SNX13: variants seen among roughly 807,000 people sequenced by gnomAD.
SNX13 encodes sorting nexin 13, also known as sorting nexin-13.
A neutral mutation model predicts 133.6 loss-of-function variants in SNX13; 45 were observed. The observed-to-expected ratio is 0.34, with a 90% CI of 0.27 to 0.43. The LOEUF is 0.43. SNX13 is among the 20% of genes least tolerant of loss of function. The pLI is 1.00. For missense variants in SNX13, 1,032 were observed against 1,145.1 expected (o/e 0.90, Z 1.43); for synonymous variants, 414 against 373.9 (o/e 1.11, Z -1.24).
chr7:17,872,713 A>G (rs4721664), intron 8 of SNX13, among the ~76,000 whole-genome samples: 17,884 of 152,262 alleles, frequency 0.12, 1,192 homozygotes, highest in African/African-American at 0.16. Flanking sequence ...GCATAAAAGC[A>G]AGTCTCAGGA....
chr7:17,940,412 C>G lies in SNX13; in HGVS notation c.-117G>C. On this transcript the variant is annotated 5_prime_UTR_variant, in exon 1 of 26. Coordinates refer to ENST00000428135, the MANE Select transcript of SNX13 (RefSeq NM_015132.5). ...GCGGCAACTGCTCCTTCAGTCTTCT[C>G]CCGGGCGGCGGTTTTACTCGGCTTC... 1 of 1,241,938 alleles carries G rather than the reference C, an allele frequency of 8.1e-7. No individual in the cohort carries two copies. The highest frequency in any genetic ancestry group is 1.1e-6 in the Non-Finnish European group (1 of 871,002). The allele number at this position is 1,241,938 out of a possible 1,614,324, so 76.9% of individuals were successfully genotyped here.
Position 17,799,111 on chromosome 7 carries a change from T to C in SNX13, c.2342A>G (p.Asp781Gly). Residue 781 changes from aspartate to glycine, a missense_variant, in exon 23 of 26, where the codon GAT becomes GGT. By Grantham distance (94) the Asp-to-Gly change is moderately conservative. Transcript: ENST00000428135. ...IPLRVMLLLMDEVFDLKERNQ... is the reference protein window; with the variant it reads ...IPLRVMLLLMGEVFDLKERNQ... The stretch of plus-strand genomic sequence containing the variant: ...TCTTTCTTTTAAGTCGAATACTTCA[T>C]CCATGAGAAGCAGCATTACCCTAAG... The C allele has an allele frequency of 6.2e-7, 1 of 1,610,340 alleles. No homozygotes were observed. Among genetic ancestry groups the C allele is most frequent in the Non-Finnish European group, 8.5e-7 (1 of 1,177,754 alleles).
chr7:17,798,917 T>C, intron 23 of SNX13, 92 bp downstream of exon 23: 4 of 1,448,250 alleles, frequency 2.8e-6, no homozygotes, highest in Non-Finnish European at 3.7e-6. Flanking sequence ...GAGAAAAAAA[T>C]TCTCCTACAA....
chr7:17,862,387 C>T (rs1256713351), intron 9 of SNX13, among the ~76,000 whole-genome samples: 3 of 151,934 alleles, frequency 2.0e-5, no homozygotes, highest in African/African-American at 7.3e-5. Flanking sequence ...AAGTTTCTAC[C>T]GCTTAAAAAC....
rs200903005 is a variant in SNX13 at position 17,930,089 on chromosome 7, AAAGAAT to A, written c.12+10189_12+10194del. ...AAGAATAAAGAATAAGAAAAAGAAT[AAAGAAT>A]AAGAATAAGAATAAAGAATAAAGAA... is the stretch of plus-strand genomic sequence containing the variant. On this transcript the variant is annotated intron_variant, in intron 1 of 25. Coordinates refer to ENST00000428135, the MANE Select transcript of SNX13 (RefSeq NM_015132.5). Among the ~76,000 whole-genome samples the A allele has an allele frequency of 6.2e-3, 216 of 34,674 alleles. 1 individual carries two copies. The highest frequency in any genetic ancestry group is 0.015 in the Admixed American group (50 of 3,328). The allele number at this position is 34,674 out of a possible 152,430, so 22.7% of individuals were successfully genotyped here. A position where few individuals can be genotyped will look rare whatever the true frequency, so the allele number is the denominator to read the frequency against.
Position 17,854,560 on chromosome 7 carries a change from T to C in SNX13, c.838-3596A>G, listed in dbSNP as rs139121611. Among the ~76,000 whole-genome samples the C allele has an allele frequency of 4.9e-3, 749 of 152,332 alleles. 5 individuals carry two copies. The highest frequency in any genetic ancestry group is 0.017 in the African/African-American group (717 of 41,572). On this transcript the variant is annotated intron_variant, in intron 9 of 25. Transcript: ENST00000428135. Reference sequence around the variant, plus strand: ...ACAACATGTGCCCATGTCATGTGCATAGTCACATTTTAATAATTTTCAGAA... The same window carrying C: ...ACAACATGTGCCCATGTCATGTGCACAGTCACATTTTAATAATTTTCAGAA...
At chr7:17,849,471 A>G (rs923046538) in intron 11 of SNX13, among the ~76,000 whole-genome samples, 1 of 152,126 alleles carries the variant, frequency 6.6e-6, no homozygotes, top group Non-Finnish European at 1.5e-5. Context: ...TCTATTCTCC[A>G]CAAAGAGTAA....
intron 11 of SNX13, among the ~76,000 whole-genome samples, chr7:17,850,106 A>T (rs1287370297): frequency 6.6e-6 from 1 of 152,228 alleles, no homozygotes; most frequent in Non-Finnish European, 1.5e-5. Context: ...GTATAAATAA[A>T]TCAAGGAATA....
intron 9 of SNX13, among the ~76,000 whole-genome samples, chr7:17,857,765 T>A (rs965559460): frequency 1.3e-5 from 2 of 151,558 alleles, no homozygotes; most frequent in Admixed American, 6.6e-5. Flanking sequence ...AGAGCAAGAC[T>A]CCATCTCAAA....
chr7:17,905,384 A>G (rs1798278793), intron 1 of SNX13, among the ~76,000 whole-genome samples: 1 of 152,204 alleles, frequency 6.6e-6, no homozygotes, highest in Non-Finnish European at 1.5e-5. Context: ...CTAAAAAGGT[A>G]AAATATACAT....
intron 1 of SNX13, among the ~76,000 whole-genome samples, chr7:17,915,133 T>C (rs576288193): frequency 6.6e-6 from 1 of 152,288 alleles, no homozygotes; most frequent in East Asian, 1.9e-4. Flanking sequence ...AGAAGAGCAT[T>C]ATATTATGAT....
At chr7:17,889,519 C>G (rs1464619458) in intron 5 of SNX13, 1 of 151,962 alleles carries the variant, frequency 6.6e-6, no homozygotes, top group Non-Finnish European at 1.5e-5. Flanking sequence ...AATCTACAAA[C>G]TCATCCAAAC....
intron 5 of SNX13, among the ~76,000 whole-genome samples, chr7:17,887,655 C>A (rs542576230): frequency 3.5e-4 from 53 of 152,270 alleles, no homozygotes; most frequent in Non-Finnish European, 4.7e-4. Flanking sequence ...GAGCTAAGCT[C>A]AAATCAACAG....
At chr7:17,857,823 T>A (rs989497463) in intron 9 of SNX13, among the ~76,000 whole-genome samples, 5 of 152,076 alleles carry the variant, frequency 3.3e-5, no homozygotes, top group African/African-American at 1.2e-4. Context: ...AAAAGATTAT[T>A]CACCATGATT....
intron 9 of SNX13, chr7:17,868,187 T>A (rs938843568): frequency 2.6e-5 from 12 of 469,252 alleles, no homozygotes; most frequent in Non-Finnish European, 4.5e-5. Flanking sequence ...AGTAGCACCA[T>A]AACCGCAAGG....
chr7:17,855,745 A>G (rs571161882), intron 9 of SNX13, among the ~76,000 whole-genome samples: 89 of 152,350 alleles, frequency 5.8e-4, no homozygotes, highest in African/African-American at 2.0e-3. Context: ...CAGAGCTCTG[A>G]TGAAGGATAT....
chr7:17,817,680 A>G lies in SNX13; in HGVS notation c.1846-1391T>C, dbSNP rs367892738. Among the ~76,000 whole-genome samples the G allele has an allele frequency of 1.2e-4, 18 of 152,316 alleles. No homozygotes were observed. The East Asian group carries it at 2.3e-3, about 20-fold the overall frequency. On this transcript the variant is annotated intron_variant, in intron 18 of 25. Transcript: ENST00000428135. ...TATAGAGAAAACATTAACTATAGCT[A>G]TATTCTCAAATTTGGTGATTTACAA...
At chr7:17,926,400 G>A (rs1017082838) in intron 1 of SNX13, among the ~76,000 whole-genome samples, 4 of 151,936 alleles carry the variant, frequency 2.6e-5, no homozygotes, top group Non-Finnish European at 4.4e-5. Context: ...ATCTAGGGCT[G>A]GGAAAGGTCA....
Position 17,868,506 on chromosome 7 carries a change from ATAAC to A in SNX13, c.754-20_754-17del. 6.4e-7 allele frequency: 1 copy of A among 1,565,354 alleles called. No homozygotes were observed. The highest frequency in any genetic ancestry group is 8.7e-7 in the Non-Finnish European group (1 of 1,146,246). On this transcript the variant is annotated splice_polypyrimidine_tract_variant and intron_variant, in intron 8 of 25. Transcript: ENST00000428135. ...CAAGGATTTCCTGAAAAAAAAGTAA[ATAAC>A]AAAAACAAATTTAATCTATTTCTGA...
Sources: allele counts gnomAD v4.1 joint callset (sites outside exome capture counted in the v4.1 genomes callset), GRCh38; gene constraint gnomAD v4.1.1; transcripts MANE v1.5; gene names NCBI Gene and HGNC (gene_info 2026-07-23, HGNC 2026-07-21).